The following MYO10 variants were observed in gnomAD, a reference collection of about 807,000 sequenced individuals.
The protein encoded by MYO10 is myosin X.
In MYO10, 133 loss-of-function variants were observed where a neutral mutation model predicts 257.3. The observed-to-expected ratio is 0.52, with a 90% CI of 0.45 to 0.60. The LOEUF (loss-of-function observed/expected upper bound fraction) is 0.60, where lower values mean the gene tolerates loss of function less well. Ranked by LOEUF, MYO10 falls within the 20% of genes least tolerant of loss-of-function variation. MYO10 has a pLI of 0.00. For missense variants in MYO10, 2,399 were observed against 2,635.7 expected (o/e 0.91, Z 1.97); for synonymous variants, 1,104 against 1,028.6 (o/e 1.07, Z -1.40).
chr5:16,727,864 T>TC (rs1255435142), intron 19 of MYO10, among the ~76,000 whole-genome samples: 10 of 86,718 alleles, frequency 1.2e-4, no homozygotes, highest in African/African-American at 4.6e-4. Context: ...CTCCGATCCT[T>TC]CCCCCCAGCC....
intron 19 of MYO10, among the ~76,000 whole-genome samples, chr5:16,741,118 G>A (rs182461256): frequency 5.3e-5 from 8 of 152,264 alleles, no homozygotes; most frequent in Non-Finnish European, 5.9e-5. Context: ...TCCATCGGGG[G>A]GAGGCAGAGA....
At chr5:16,807,101 TA>T (rs1490104865) in intron 3 of MYO10, among the ~76,000 whole-genome samples, 1 of 152,226 alleles carries the variant, frequency 6.6e-6, no homozygotes, top group Non-Finnish European at 1.5e-5. Context: ...TGAGATCCAT[TA>T]TCCAGATTTA....
chr5:16,822,715 TCTC>T (rs1212402078), intron 2 of MYO10, among the ~76,000 whole-genome samples: 2 of 148,858 alleles, frequency 1.3e-5, no homozygotes, highest in Non-Finnish European at 3.0e-5. Flanking sequence ...TGAGACGGAG[TCTC>T]CCTCTGTCGC....
rs141383429 is a variant in MYO10, at chr5:16,667,592, CCT to C, written c.6075+683_6075+684del. On this transcript the variant is annotated intron_variant, in intron 40 of 40. Coordinates refer to ENST00000513610, the MANE Select transcript of MYO10 (RefSeq NM_012334.3). ...GAGTCAAGGGCTCTCCACCCTCTTCCCTCTCACTGCACGACTCCCCATCAGCC... is the reference window on the plus strand; with the variant it reads ...GAGTCAAGGGCTCTCCACCCTCTTCCCTCACTGCACGACTCCCCATCAGCC... Among the ~76,000 whole-genome samples the C allele has an allele frequency of 5.6e-3, 846 of 152,180 alleles. 11 individuals are homozygous for C. Among genetic ancestry groups the C allele is most frequent in the African/African-American group, 0.02 (816 of 41,526 alleles).
chr5:16,675,921 A>C (rs1417680768), intron 34 of MYO10, 110 bp downstream of exon 34: 1 of 1,310,020 alleles, frequency 7.6e-7, no homozygotes, highest in Non-Finnish European at 1.0e-6. Flanking sequence ...ATTCACGACG[A>C]ATAAGAGAGT....
intron 21 of MYO10, chr5:16,710,573 G>T: frequency 9.9e-6 from 3 of 303,362 alleles, no homozygotes; most frequent in Non-Finnish European, 1.9e-5. Context: ...GTATCGCTTT[G>T]TAGACACTGG....
chr5:16,694,658 A>G (rs1737655660), intron 26 of MYO10, 44 bp from the exon 27 acceptor site: 1 of 1,606,378 alleles, frequency 6.2e-7, no homozygotes, highest in East Asian at 2.2e-5. Context: ...AAGAAAAGTC[A>G]GTCAAGTTGG....
chr5:16,889,937 T>A (rs1745006428), intron 1 of MYO10, among the ~76,000 whole-genome samples: 1 of 151,774 alleles, frequency 6.6e-6, no homozygotes, highest in South Asian at 2.1e-4. Flanking sequence ...AACAAACTGA[T>A]AAGATTTTCT....
chr5:16,793,146 AC>A (rs1395763643), intron 4 of MYO10, among the ~76,000 whole-genome samples: 3 of 152,110 alleles, frequency 2.0e-5, no homozygotes, highest in African/African-American at 7.2e-5. Flanking sequence ...TGGCGCCTCC[AC>A]GGAAACCTCA....
At chr5:16,927,059 A>G (rs1024713698) in intron 1 of MYO10, among the ~76,000 whole-genome samples, 13 of 152,164 alleles carry the variant, frequency 8.5e-5, no homozygotes, top group African/African-American at 3.1e-4. Flanking sequence ...TTATTTACCA[A>G]TTTGTAAGCA....
chr5:16,694,695 T>C, intron 26 of MYO10, 81 bp from the exon 27 acceptor site: 2 of 1,559,590 alleles, frequency 1.3e-6, no homozygotes. Flanking sequence ...TAGCAGGTGT[T>C]AAGGTCTAGC....
Position 16,714,390 on chromosome 5 carries a change from T to C in MYO10, c.1930-3145A>G, listed in dbSNP as rs373045538. Among the ~76,000 whole-genome samples, 15 of 152,040 alleles carry C rather than the reference T, an allele frequency of 9.9e-5. No homozygotes were observed. In the South Asian group the frequency reaches 1.7e-3, roughly 17 times the overall value. On this transcript the variant is annotated intron_variant, in intron 19 of 40. Coordinates refer to ENST00000513610, the MANE Select transcript of MYO10 (RefSeq NM_012334.3). The stretch of plus-strand genomic sequence containing the variant: ...GAGGGGGAAGGACCTGGGTGGAAGA[T>C]GGACGCATGGTTCTTGTATTCAAGA...
Position 16,703,165 on chromosome 5 carries a change from A to G in MYO10, c.2277-7T>C. 2 of 1,574,468 alleles carry G rather than the reference A, an allele frequency of 1.3e-6. No individual in the cohort carries two copies. Among genetic ancestry groups the G allele is most frequent in the Non-Finnish European group, 1.7e-6 (2 of 1,154,652 alleles). On this transcript the variant is annotated splice_polypyrimidine_tract_variant and splice_region_variant and intron_variant, in intron 22 of 40. Transcript: ENST00000513610. ...GACCTTTCTGTATTGTTTTCTGAAA[A>G]TGAAAGAAAACAAGAGAATCGGCAT...
chr5:16,783,376 C>A lies in MYO10; in HGVS notation c.561G>T (p.Lys187Asn). The change falls in exon 5 of 41, where the codon AAG (lysine) becomes AAT (asparagine). Residue 187 changes from lysine (K) to asparagine (N), a missense_variant. Around this residue, in one of 3 missense-constraint regions of MYO10, gnomAD observed 242 missense variants for 249.5 expected, o/e 0.97. Coordinates refer to ENST00000513610, the MANE Select transcript of MYO10 (RefSeq NM_012334.3). ...CTCGTTCAACACAGGATGTCTTCTC[C>A]TTTAAGGACAATTCCAAAGACTGTT... ...ISQQSLELSL[K>N]EKTSCVERAI... The A allele has an allele frequency of 1.9e-6, 3 of 1,602,916 alleles. No individual in the cohort carries two copies. Among genetic ancestry groups the A allele is most frequent in the Middle Eastern group, 1.7e-4 (1 of 6,052 alleles).
At chr5:16,678,362 C>A (rs1009796517) in intron 33 of MYO10, among the ~76,000 whole-genome samples, 1 of 152,062 alleles carries the variant, frequency 6.6e-6, no homozygotes, top group Non-Finnish European at 1.5e-5. Flanking sequence ...GGCAGATCAC[C>A]TGAGGTCAGG....
At chr5:16,934,720 A>C (rs1027422351) in intron 1 of MYO10, among the ~76,000 whole-genome samples, 2 of 152,244 alleles carry the variant, frequency 1.3e-5, no homozygotes, top group Non-Finnish European at 2.9e-5. Context: ...TGCATTTATC[A>C]CTTTGGCCAG....
At chr5:16,900,022 A>AG in intron 1 of MYO10, among the ~76,000 whole-genome samples, 1 of 146,000 alleles carries the variant, frequency 6.8e-6, no homozygotes, top group Non-Finnish European at 1.5e-5. Context: ...AAAAAAAAAA[A>AG]AAGATTTAAA....
intron 4 of MYO10, among the ~76,000 whole-genome samples, chr5:16,784,069 TAGTGATAGTTAAGGACA>T (rs1224057809): frequency 6.7e-6 from 1 of 150,088 alleles, no homozygotes; most frequent in African/African-American, 2.4e-5. Flanking sequence ...GGTCACGTGT[TAGTGATAGTTAAGGACA>T]AGTGAACAAA....
intron 4 of MYO10, among the ~76,000 whole-genome samples, chr5:16,784,588 AG>A (rs1741518531): frequency 6.6e-6 from 1 of 152,192 alleles, no homozygotes; most frequent in South Asian, 2.1e-4. Flanking sequence ...AGTAGCAAAG[AG>A]GCTGGAAACT....
Sources: gnomAD v4.1 joint callset for allele counts (sites outside exome capture counted in the v4.1 genomes callset) on GRCh38, gnomAD v4.1.1 for gene constraint, gnomAD v4.1.1 regional missense constraint, MANE v1.5 for transcripts, NCBI Gene and HGNC (gene_info 2026-07-23, HGNC 2026-07-21) for gene names.